Variants in TCN1 observed in about 807,000 individuals in gnomAD.
The protein encoded by TCN1 is transcobalamin-1.
TCN1 carries 47 observed loss-of-function variants against 46.3 expected under a neutral mutation model. That is an observed-to-expected ratio of 1.01 (90% CI 0.80 to 1.29). The LOEUF is 1.29. Among genes scored for constraint, TCN1 ranks in the 50% most tolerant of loss-of-function variants. The probability of loss-of-function intolerance (pLI) is 0.00; values close to 1 mark genes in which losing one functional copy is unlikely to be tolerated. For missense variants in TCN1, 532 were observed against 511.0 expected (o/e 1.04, Z -0.40); for synonymous variants, 183 against 192.5 (o/e 0.95, Z 0.41).
chr11:59,856,237 AT>A (rs1405251040), intron 5 of TCN1, among the ~76,000 whole-genome samples, 179 bp from the exon 6 acceptor site: 3 of 152,194 alleles, frequency 2.0e-5, no homozygotes, highest in African/African-American at 4.8e-5. Flanking sequence ...CTTTCTTGTT[AT>A]CCAGAAGCTT....
intron 2 of TCN1, among the ~76,000 whole-genome samples, chr11:59,863,471 C>A (rs1441462556): frequency 6.6e-6 from 1 of 151,918 alleles, no homozygotes; most frequent in African/African-American, 2.4e-5. Context: ...AGAGTGGCTT[C>A]TTTTCCCCTT....
chr11:59,866,372 T>G lies in TCN1; in HGVS notation c.79+20A>C. On this transcript the variant is annotated intron_variant, in intron 1 of 8. Transcript: ENST00000257264. ...AGTAGACTATCACTCTAGAGTAATTTTAGCTCAAAGTTTACTCACCACAAA... is the reference window on the plus strand; with the variant it reads ...AGTAGACTATCACTCTAGAGTAATTGTAGCTCAAAGTTTACTCACCACAAA... 6.2e-7 allele frequency: 1 copy of G among 1,612,508 alleles called. No homozygotes were observed. The highest frequency in any genetic ancestry group is 1.1e-5 in the South Asian group (1 of 91,036).
chr11:59,853,372 C>A (rs756374540), intron 7 of TCN1, 51 bp from the exon 8 acceptor site: 2 of 1,497,538 alleles, frequency 1.3e-6, no homozygotes, highest in Non-Finnish European at 1.9e-6. Flanking sequence ...TCAAAGGAAA[C>A]CAACAATAGG....
At chr11:59,856,347 G>A (rs1299343516) in intron 5 of TCN1, among the ~76,000 whole-genome samples, 1 of 152,096 alleles carries the variant, frequency 6.6e-6, no homozygotes, top group Non-Finnish European at 1.5e-5. Context: ...CTGTATCCCA[G>A]TGCTGGGAAA....
At chr11:59,861,723 G>GT (rs1463854856) in intron 3 of TCN1, 41 bp from the exon 4 acceptor site, 6 of 1,597,646 alleles carry the variant, frequency 3.8e-6, no homozygotes, top group Non-Finnish European at 3.4e-6. Flanking sequence ...CATGGAAGTG[G>GT]TAATGGCGTA....
chr11:59,857,885 G>A (rs1352314439), intron 5 of TCN1, among the ~76,000 whole-genome samples: 1 of 152,186 alleles, frequency 6.6e-6, no homozygotes, highest in Non-Finnish European at 1.5e-5. Flanking sequence ...CAGTTACTGT[G>A]ACTCATGCTC....
intron 2 of TCN1, among the ~76,000 whole-genome samples, chr11:59,863,092 T>A (rs1853034631): frequency 6.6e-6 from 1 of 152,160 alleles, no homozygotes; most frequent in South Asian, 2.1e-4. Flanking sequence ...AAAGGTACAA[T>A]AAAAATACAC....
chr11:59,852,875 C>T lies in TCN1; in HGVS notation c.*100G>A. 1 of 1,111,484 alleles carries T rather than the reference C, an allele frequency of 9.0e-7. No homozygotes were observed. Among genetic ancestry groups the T allele is most frequent in the South Asian group, 1.2e-5 (1 of 80,856 alleles). 68.9% of individuals were successfully genotyped at this position (1,111,484 alleles called of 1,614,324 possible). A position where few individuals can be genotyped will look rare whatever the true frequency, so the allele number is the denominator to read the frequency against. On this transcript the variant is annotated 3_prime_UTR_variant, in exon 9 of 9. Transcript: ENST00000257264. Reference sequence around the variant, plus strand: ...GAGAGAAGGGGAGGTTATTAACTCTCCTGCTCGTACTGGGATAAATGAAGA... The same window carrying T: ...GAGAGAAGGGGAGGTTATTAACTCTTCTGCTCGTACTGGGATAAATGAAGA...
intron 2 of TCN1, among the ~76,000 whole-genome samples, chr11:59,863,644 A>T (rs927905779): frequency 1.3e-5 from 2 of 152,174 alleles, no homozygotes; most frequent in Non-Finnish European, 2.9e-5. Context: ...CTTATATAAC[A>T]GCATTAATGG....
At chr11:59,854,612 G>A (rs2135104620) in intron 7 of TCN1, 40 bp downstream of exon 7, 1 of 1,597,046 alleles carries the variant, frequency 6.3e-7, no homozygotes, top group East Asian at 2.2e-5. Context: ...CTTTAGAAAT[G>A]ACAGCAAACA....
In TCN1 at chr11:59,852,981, T is replaced by G; in HGVS notation, c.1296A>C (p.Lys432Asn). 6.2e-7 allele frequency: 1 copy of G among 1,614,118 alleles called. No homozygotes were observed. The highest frequency in any genetic ancestry group is 8.5e-7 in the Non-Finnish European group (1 of 1,179,996). Residue 432 changes from lysine to asparagine, a missense_variant, in exon 9 of 9, where the codon AAA (lysine) becomes AAC (asparagine). Lys to Asn is a moderately conservative substitution (Grantham distance 94). Coordinates refer to ENST00000257264, the MANE Select transcript of TCN1 (RefSeq NM_001062.4). ...NGENLEVRWSKY is the reference protein window; with the variant it reads ...NGENLEVRWSNY The stretch of plus-strand genomic sequence containing the variant: ...TGAGGAAAGTTTGGGCTTATTAGTA[T>G]TTGCTCCAGCGAACCTCCAAGTTTT...
At chr11:59,854,596 C>T in intron 7 of TCN1, 56 bp downstream of exon 7, 2 of 1,563,392 alleles carry the variant, frequency 1.3e-6, no homozygotes, top group Non-Finnish European at 1.8e-6. Flanking sequence ...TGCATTCTTA[C>T]TGCATCTTTA....
chr11:59,853,303 G>A lies in TCN1; in HGVS notation c.1140C>T (p.Arg380=), dbSNP rs775142829. 9 of 1,614,040 alleles carry A rather than the reference G, an allele frequency of 5.6e-6. No individual in the cohort carries two copies. The South Asian group carries it at 9.9e-5, about 18-fold the overall frequency. ...TACAGGTGATATAGGGCCCCCATGAGCGCTCCTCCATTGTGAAACTGTGGG... is the reference window on the plus strand; with the variant it reads ...TACAGGTGATATAGGGCCCCCATGAACGCTCCTCCATTGTGAAACTGTGGG... ...DTIFGFTMEE[R]SWGPYITCIQ... is the part of the protein sequence containing the mutation. Residue 380 remains arginine (R), a synonymous_variant, in exon 8 of 9, where the codon CGC becomes CGT. Transcript: ENST00000257264.
intron 2 of TCN1, among the ~76,000 whole-genome samples, chr11:59,863,231 A>G (rs1449167767): frequency 2.0e-5 from 3 of 152,182 alleles, no homozygotes; most frequent in Non-Finnish European, 4.4e-5. Context: ...TATAAATGCA[A>G]ACTAAATCTT....
At chr11:59,859,882 C>G (rs1311109751) in intron 4 of TCN1, among the ~76,000 whole-genome samples, 1 of 152,162 alleles carries the variant, frequency 6.6e-6, no homozygotes, top group African/African-American at 2.4e-5. Flanking sequence ...GGGAAGTGCC[C>G]TGCAAAGATA....
chr11:59,862,080 G>A (rs1853020483), intron 3 of TCN1, among the ~76,000 whole-genome samples: 1 of 152,162 alleles, frequency 6.6e-6, no homozygotes, highest in South Asian at 2.1e-4. Context: ...CTGAAAAATA[G>A]AATAAATATT....
intron 5 of TCN1, among the ~76,000 whole-genome samples, chr11:59,857,820 C>T (rs2038862296): frequency 6.9e-6 from 1 of 144,098 alleles, no homozygotes; most frequent in Non-Finnish European, 1.5e-5. Flanking sequence ...CAGCCCAGGT[C>T]CCATCCCAAT....
At chr11:59,856,279 T>G (rs1852937348) in intron 5 of TCN1, among the ~76,000 whole-genome samples, 1 of 152,208 alleles carries the variant, frequency 6.6e-6, no homozygotes, top group Admixed American at 6.5e-5. Flanking sequence ...AGGTTGGAAC[T>G]GCTTAATAAC....
Position 59,856,073 on chromosome 11 carries a change from T to C in TCN1, c.748-15A>G, listed in dbSNP as rs771342503. 1.5e-4 allele frequency: 40 copies of C among 271,302 alleles called. No homozygotes were observed. Among genetic ancestry groups the C allele is most frequent in the Non-Finnish European group, 2.6e-4 (38 of 146,468 alleles). The allele number at this position is 271,302 out of a possible 1,614,324, so 16.8% of individuals were successfully genotyped here. On this transcript the variant is annotated splice_polypyrimidine_tract_variant and intron_variant, in intron 5 of 8. Transcript: ENST00000257264. Reference sequence around the variant, plus strand: ...ACAAAGAGGGCCTAATGAGGCAGGGTGGGGTGGGGGGGTGATGAGAGATAA... The same window carrying C: ...ACAAAGAGGGCCTAATGAGGCAGGGCGGGGTGGGGGGGTGATGAGAGATAA...
Sources: allele counts gnomAD v4.1 joint callset (sites outside exome capture counted in the v4.1 genomes callset), GRCh38; gene constraint gnomAD v4.1.1; transcripts MANE v1.5; gene names NCBI Gene and HGNC (gene_info 2026-07-23, HGNC 2026-07-21).